The following LILRB1 variants were observed in gnomAD, a reference collection of about 807,000 sequenced individuals.
LILRB1 encodes the protein leukocyte immunoglobulin like receptor B1, also known as leukocyte immunoglobulin-like receptor subfamily B member 1.
In LILRB1, 59 loss-of-function variants were observed where a neutral mutation model predicts 74.6. The ratio of observed to expected loss-of-function variants is 0.79; its 90% confidence interval spans 0.64 to 0.98. The LOEUF (loss-of-function observed/expected upper bound fraction) is 0.98. Ranked by LOEUF, LILRB1 falls within the 50% of genes least tolerant of loss-of-function variation. The pLI, the probability that LILRB1 is intolerant of heterozygous loss-of-function variation, is 0.00. For missense variants in LILRB1, 804 were observed against 822.6 expected (o/e 0.98, Z 0.28); for synonymous variants, 328 against 333.9 (o/e 0.98, Z 0.19).
chr19:54,630,878 T>G (rs2063771066), intron 1 of LILRB1, 148 bp from the exon 2 acceptor site: 3 of 664,494 alleles, frequency 4.5e-6, no homozygotes, highest in Non-Finnish European at 6.2e-6. Flanking sequence ...GCCTAGTGAC[T>G]GCCCCCACCT....
chr19:54,634,921 T>C, intron 10 of LILRB1, 158 bp downstream of exon 10: 4 of 1,473,448 alleles, frequency 2.7e-6, no homozygotes, highest in Non-Finnish European at 3.7e-6. Flanking sequence ...AAATGTAAAG[T>C]GTCCTTCGGG....
chr19:54,624,019 GTGGA>G (rs2063517565), intron 1 of LILRB1, among the ~76,000 whole-genome samples: 1 of 152,184 alleles, frequency 6.6e-6, no homozygotes, highest in African/African-American at 2.4e-5. Flanking sequence ...GCACAAGCAG[GTGGA>G]TATGGACCTG....
In LILRB1 at chr19:54,634,655, C is replaced by G. The variant is rs1138737; in HGVS notation, c.1378C>G (p.Leu460Val). 0.055 allele frequency: 87,370 copies of G among 1,580,574 alleles called. 3,920 individuals are homozygous for G. The highest frequency in any genetic ancestry group is 0.17 in the African/African-American group (12,593 of 73,684). Residue 460 changes from leucine (L) to valine (V), a missense_variant, in exon 10 of 15, where the codon CTG (leucine) becomes GTG (valine). Coordinates refer to ENST00000324602, the MANE Select transcript of LILRB1 (RefSeq NM_001081637.3). ...SDPQSGLGRH[L>V]GVVIGILVAV... ...TCGTGCTCAAGGTCTGGGAAGGCAC[C>G]TGGGGGTTGTGATCGGCATCTTGGT...
In LILRB1 at chr19:54,632,186, T is replaced by C. The variant is rs781724159; in HGVS notation, c.610T>C (p.Ser204Pro). 6.8e-7 allele frequency: 1 copy of C among 1,469,774 alleles called. No homozygotes were observed. Among genetic ancestry groups the C allele is most frequent in the Non-Finnish European group, 9.2e-7 (1 of 1,086,162 alleles). 91.0% of individuals were successfully genotyped at this position (1,469,774 alleles called of 1,614,324 possible). A position where few individuals can be genotyped will look rare whatever the true frequency, so the allele number is the denominator to read the frequency against. Residue 204 changes from serine (S) to proline (P), a missense_variant, in exon 5 of 15, where the codon TCT becomes CCT. Coordinates refer to ENST00000324602, the MANE Select transcript of LILRB1 (RefSeq NM_001081637.3). ...WYRCYAYDSN[S>P]PYEWSLPSDL... The stretch of plus-strand genomic sequence containing the variant: ...CAGGTGCTATGCTTATGACTCGAAC[T>C]CTCCCTATGAGTGGTCTCTACCCAG...
chr19:54,629,923 T>C (rs1165011108), upstream of LILRB1, among the ~76,000 whole-genome samples: 1 of 149,044 alleles, frequency 6.7e-6, no homozygotes, highest in Non-Finnish European at 1.5e-5. Context: ...CACGTCCATC[T>C]ATCCATTAGG....
In LILRB1 at chr19:54,634,663, T is replaced by G. The variant is rs182423627; in HGVS notation, c.1386T>G (p.Val462=). 500 of 1,613,740 alleles carry G rather than the reference T, an allele frequency of 3.1e-4. 1 individual carries two copies. The African/African-American group carries it at 5.7e-3, about 18-fold the overall frequency. ...AAGGTCTGGGAAGGCACCTGGGGGT[T>G]GTGATCGGCATCTTGGTGGCCGTCA... is the stretch of plus-strand genomic sequence containing the variant. ...PQSGLGRHLG[V]VIGILVAVIL... is the part of the protein sequence containing the mutation. The change falls in exon 10 of 15, where the codon GTT becomes GTG. Residue 462 remains valine, a synonymous_variant. Coordinates refer to ENST00000324602, the MANE Select transcript of LILRB1 (RefSeq NM_001081637.3).
Position 54,633,273 on chromosome 19 carries a change from T to G in LILRB1, c.1216T>G (p.Tyr406Asp). The G allele has an allele frequency of 6.2e-7, 1 of 1,613,644 alleles. No individual in the cohort carries two copies. Residue 406 changes from tyrosine (Y) to aspartate (D), a missense_variant, in exon 7 of 15, where the codon TAC becomes GAC. Transcript: ENST00000324602. ...RCYGSQSSKPYLLTHPSDPLE... is the reference protein window; with the variant it reads ...RCYGSQSSKPDLLTHPSDPLE... ...CTACGGCTCACAGAGCTCCAAACCC[T>G]ACCTGCTGACTCACCCCAGTGACCC... is the stretch of plus-strand genomic sequence containing the variant.
At chr19:54,618,683 TAATA>T (rs1381734599) in intron 1 of LILRB1, among the ~76,000 whole-genome samples, 2 of 152,190 alleles carry the variant, frequency 1.3e-5, no homozygotes, top group African/African-American at 4.8e-5. Context: ...GTATAATTTT[TAATA>T]AATAAGCCAT....
intron 1 of LILRB1, among the ~76,000 whole-genome samples, chr19:54,624,253 G>GAAAT: frequency 1.3e-5 from 2 of 152,206 alleles, no homozygotes; most frequent in East Asian, 3.9e-4. Flanking sequence ...GGTCTCTGCG[G>GAAAT]GGGGTGAAGG....
In LILRB1 at chr19:54,636,915, C is replaced by T. The variant is rs1403680410; in HGVS notation, c.*37C>T. On this transcript the variant is annotated 3_prime_UTR_variant, in exon 15 of 15. Coordinates refer to ENST00000324602, the MANE Select transcript of LILRB1 (RefSeq NM_001081637.3). The stretch of plus-strand genomic sequence containing the variant: ...ACGCAGACCCCACACTCCATGGAGT[C>T]TGGAATGCATGGGAGCTGCCCCCCC... 6.2e-7 allele frequency: 1 copy of T among 1,611,842 alleles called. No individual in the cohort carries two copies. The highest frequency in any genetic ancestry group is 1.1e-5 in the South Asian group (1 of 90,916).
At chr19:54,635,850 G>C in intron 13 of LILRB1, 1 of 691,276 alleles carries the variant, frequency 1.4e-6, no homozygotes, top group Non-Finnish European at 2.7e-6. Context: ...GGTTGTTAGA[G>C]CTCTCCCCAG....
intron 1 of LILRB1, among the ~76,000 whole-genome samples, chr19:54,624,225 C>G (rs1160837084): frequency 6.6e-6 from 1 of 152,172 alleles, no homozygotes. Flanking sequence ...TGGAGCAGCT[C>G]CTAGTGAAAT....
At chr19:54,636,143 G>T (rs1178276224) in intron 13 of LILRB1, 3 of 571,564 alleles carry the variant, frequency 5.2e-6, no homozygotes, top group Non-Finnish European at 1.0e-5. Context: ...TGAATGGAAG[G>T]GGAGGGCTGT....
chr19:54,621,714 C>T (rs940408557), intron 1 of LILRB1, among the ~76,000 whole-genome samples: 6 of 151,798 alleles, frequency 4.0e-5, no homozygotes, highest in Non-Finnish European at 5.9e-5. Flanking sequence ...TTTGTCTATT[C>T]GGGGGTTTGT....
Position 54,632,249 on chromosome 19 carries a change from A to C in LILRB1, c.661+12A>C. The C allele has an allele frequency of 6.2e-7, 1 of 1,608,758 alleles. No homozygotes were observed. The highest frequency in any genetic ancestry group is 8.5e-7 in the Non-Finnish European group (1 of 1,176,196). ...GCTCCTGGTCCTAGGTGAGAAATTCACAGCATTGCCTGGAGTTCCCTGAGT... is the reference window on the plus strand; with the variant it reads ...GCTCCTGGTCCTAGGTGAGAAATTCCCAGCATTGCCTGGAGTTCCCTGAGT... On this transcript the variant is annotated intron_variant, in intron 5 of 14. Coordinates refer to ENST00000324602, the MANE Select transcript of LILRB1 (RefSeq NM_001081637.3).
At chr19:54,632,431 C>T (rs756451603) in intron 5 of LILRB1, 33 bp from the exon 6 acceptor site, 13 of 1,570,902 alleles carry the variant, frequency 8.3e-6, no homozygotes, top group Middle Eastern at 1.8e-4. Flanking sequence ...GCCTGAGGGT[C>T]GGCTCCTGGA....
rs1246303971 is a variant in LILRB1, at chr19:54,636,390, A to G, written c.1654-104A>G. On this transcript the variant is annotated intron_variant, in intron 13 of 14. Transcript: ENST00000324602. ...GGCCTTAGGGCGTCCCTGAGATTCCATCGGGAAAGGGATGTAATCGGATCA... is the reference window on the plus strand; with the variant it reads ...GGCCTTAGGGCGTCCCTGAGATTCCGTCGGGAAAGGGATGTAATCGGATCA... The G allele has an allele frequency of 3.2e-4, 493 of 1,548,354 alleles. 1 individual carries two copies. The African/African-American group carries it at 5.0e-3, about 16-fold the overall frequency.
chr19:54,633,865 G>A (rs2064141554), intron 8 of LILRB1, 106 bp from the exon 9 acceptor site: 1 of 1,483,998 alleles, frequency 6.7e-7, no homozygotes, highest in Non-Finnish European at 9.1e-7. Flanking sequence ...TGAGGGGTGG[G>A]GGGTCAAGGC....
At chr19:54,634,258 G>T in intron 9 of LILRB1, 1 of 1,517,564 alleles carries the variant, frequency 6.6e-7, no homozygotes, top group Non-Finnish European at 8.9e-7. Context: ...TCCCAGACCC[G>T]ATTCCGCGGG....
Sources: allele counts gnomAD v4.1 joint callset (sites outside exome capture counted in the v4.1 genomes callset), GRCh38; gene constraint gnomAD v4.1.1; transcripts MANE v1.5; gene names NCBI Gene and HGNC (gene_info 2026-07-23, HGNC 2026-07-21).